NECAB1: variants seen among roughly 807,000 people sequenced by gnomAD.
NECAB1 encodes N-terminal EF-hand calcium-binding protein 1.
NECAB1 carries 29 observed loss-of-function variants against 57.5 expected under a neutral mutation model. The observed-to-expected ratio is 0.50, with a 90% CI of 0.38 to 0.69. NECAB1 has a LOEUF of 0.69. NECAB1 is among the 30% of genes least tolerant of loss of function. The pLI, the probability that NECAB1 is intolerant of heterozygous loss-of-function variation, is 0.00. For missense variants in NECAB1, 372 were observed against 413.8 expected (o/e 0.90, Z 0.88); for synonymous variants, 142 against 147.7 (o/e 0.96, Z 0.28).
chr8:90,860,844 A>G (rs1004109537), intron 3 of NECAB1, among the ~76,000 whole-genome samples: 3 of 152,088 alleles, frequency 2.0e-5, no homozygotes, highest in African/African-American at 7.2e-5. Context: ...GTGGAGCAGG[A>G]ACAAAGCTAT....
chr8:90,813,553 A>T (rs1184815244), intron 2 of NECAB1, among the ~76,000 whole-genome samples: 1 of 152,068 alleles, frequency 6.6e-6, no homozygotes, highest in East Asian at 1.9e-4. Context: ...TAGAGACAAG[A>T]TCTCACTCTG....
chr8:90,857,991 A>G (rs1442218478), intron 3 of NECAB1, among the ~76,000 whole-genome samples: 1 of 152,216 alleles, frequency 6.6e-6, no homozygotes, highest in Admixed American at 6.5e-5. Flanking sequence ...TAATTGTTAT[A>G]GAAAGTCTTC....
chr8:90,813,526 TATTATC>T (rs1308789424), intron 2 of NECAB1, among the ~76,000 whole-genome samples: 1 of 152,272 alleles, frequency 6.6e-6, no homozygotes, highest in African/African-American at 2.4e-5. Context: ...CATGTTTTAT[TATTATC>T]ATTATTATTT....
At chr8:90,926,487 T>C (rs1416275770) in intron 7 of NECAB1, among the ~76,000 whole-genome samples, 1 of 152,196 alleles carries the variant, frequency 6.6e-6, no homozygotes, top group Non-Finnish European at 1.5e-5. Context: ...TTGTCCAAGG[T>C]CATATGGAAT....
At chr8:90,899,093 A>G (rs546012456) in intron 5 of NECAB1, among the ~76,000 whole-genome samples, 27 of 152,312 alleles carry the variant, frequency 1.8e-4, no homozygotes, top group African/African-American at 6.3e-4. Context: ...CCTCTGACAA[A>G]GTTTTGGCTA....
Position 90,917,870 on chromosome 8 carries a change from A to ATATATATATATATATATGTG in NECAB1, c.494+243_494+244insATATATATATATATATGTGT, listed in dbSNP as rs1554575432. ...TATATATATATATATATATATATATATGTGTGTGTGTGCGTGTATATATAT... is the reference window on the plus strand; with the variant it reads ...TATATATATATATATATATATATATATATATATATATATATATGTGTGTGTGTGTGTGCGTGTATATATAT... On this transcript the variant is annotated intron_variant, in intron 6 of 12. Transcript: ENST00000417640. 1.6e-3 allele frequency among the ~76,000 whole-genome samples: 104 copies of ATATATATATATATATATGTG among 64,304 alleles called. 2 individuals are homozygous for ATATATATATATATATATGTG. The highest frequency in any genetic ancestry group is 9.4e-3 in the Middle Eastern group (1 of 106). 42.2% of individuals were successfully genotyped at this position (64,304 alleles called of 152,430 possible).
intron 1 of NECAB1, among the ~76,000 whole-genome samples, chr8:90,799,964 G>C (rs143549311): frequency 0.013 from 1,957 of 152,178 alleles, 23 homozygotes; most frequent in Non-Finnish European, 0.017. Flanking sequence ...ATTTGTTTCT[G>C]TCATCTATGA....
intron 8 of NECAB1, among the ~76,000 whole-genome samples, chr8:90,929,933 G>A (rs1031257365): frequency 6.6e-6 from 1 of 152,176 alleles, no homozygotes; most frequent in African/African-American, 2.4e-5. Flanking sequence ...ATGGACCGAA[G>A]AGGGCCAGAT....
chr8:90,841,267 A>G (rs2129744927), intron 3 of NECAB1, among the ~76,000 whole-genome samples: 1 of 106,842 alleles, frequency 9.4e-6, no homozygotes, highest in South Asian at 2.5e-4. Flanking sequence ...CTCAAAAAAA[A>G]TAAAAAAAAA....
intron 6 of NECAB1, among the ~76,000 whole-genome samples, chr8:90,924,560 T>A (rs183530470): frequency 6.6e-6 from 1 of 152,318 alleles, no homozygotes; most frequent in East Asian, 1.9e-4. Context: ...GGAGGCAGCT[T>A]AAGTATTATG....
Position 90,925,649 on chromosome 8 carries a change from C to A in NECAB1, c.609C>A (p.Ser203Arg), listed in dbSNP as rs756765698. 6.2e-7 allele frequency: 1 copy of A among 1,613,652 alleles called. No homozygotes were observed. ...FSPNSPQFNV[S>R]GPGLLEEDNQ... ...CAAACAGCCCTCAGTTTAATGTCAG[C>A]GGTCCAGGTAACATACCCTTCATTT... The change falls in exon 7 of 13, where the codon AGC becomes AGA. Residue 203 changes from serine to arginine, a missense_variant. Physicochemically the swap from Ser to Arg is moderately radical, Grantham distance 110 (BLOSUM62 -1). Coordinates refer to ENST00000417640, the MANE Select transcript of NECAB1 (RefSeq NM_022351.5).
chr8:90,901,506 C>T (rs1202504096), intron 5 of NECAB1, among the ~76,000 whole-genome samples: 2 of 152,188 alleles, frequency 1.3e-5, no homozygotes, highest in African/African-American at 4.8e-5. Flanking sequence ...CTTTAAACAT[C>T]TTTTGATAAA....
At chr8:90,801,771 T>G (rs981113630) in intron 2 of NECAB1, 56 bp downstream of exon 2, 122 of 1,135,392 alleles carry the variant, frequency 1.1e-4, no homozygotes, top group Admixed American at 4.2e-4. Context: ...TTATATTACC[T>G]TATAAATAAT....
chr8:90,904,275 A>T (rs887546598), intron 5 of NECAB1, among the ~76,000 whole-genome samples: 4 of 152,116 alleles, frequency 2.6e-5, no homozygotes, highest in Admixed American at 2.0e-4. Context: ...CAAAAAAAAA[A>T]ATCTCAAAAC....
chr8:90,916,038 C>T (rs550213701), intron 5 of NECAB1, among the ~76,000 whole-genome samples: 8 of 152,160 alleles, frequency 5.3e-5, no homozygotes, highest in Non-Finnish European at 1.2e-4. Context: ...AAATGTTAAT[C>T]TCCTTTGGCA....
At chr8:90,813,115 G>A (rs1332827687) in intron 2 of NECAB1, 1 of 152,200 alleles carries the variant, frequency 6.6e-6, no homozygotes, top group African/African-American at 2.4e-5. Flanking sequence ...GGGAACCCGG[G>A]AGGCGGAGCT....
chr8:90,920,925 C>G (rs998702295), intron 6 of NECAB1, among the ~76,000 whole-genome samples: 1 of 152,072 alleles, frequency 6.6e-6, no homozygotes, highest in Non-Finnish European at 1.5e-5. Flanking sequence ...TGGTGAGGAC[C>G]CAGAACACTG....
At chr8:90,845,438 T>C (rs754826556) in intron 3 of NECAB1, among the ~76,000 whole-genome samples, 4 of 152,208 alleles carry the variant, frequency 2.6e-5, no homozygotes, top group Admixed American at 6.5e-5. Context: ...TGTATTTATT[T>C]ATTTTCACTT....
intron 5 of NECAB1, among the ~76,000 whole-genome samples, chr8:90,897,430 G>T (rs1185344168): frequency 6.6e-6 from 1 of 152,152 alleles, no homozygotes; most frequent in Non-Finnish European, 1.5e-5. Flanking sequence ...ATAATTACAT[G>T]ACATATGCTA....
Sources: allele counts gnomAD v4.1 joint callset (sites outside exome capture counted in the v4.1 genomes callset), GRCh38; gene constraint gnomAD v4.1.1; transcripts MANE v1.5; gene names NCBI Gene and HGNC (gene_info 2026-07-23, HGNC 2026-07-21).